GIT1: variants seen among roughly 807,000 people sequenced by gnomAD.
The protein encoded by GIT1 is GIT ArfGAP 1.
In GIT1, 14 loss-of-function variants were observed where a neutral mutation model predicts 91.7. The ratio of observed to expected loss-of-function variants is 0.15; its 90% CI spans 0.10 to 0.24. The LOEUF is 0.24. GIT1 is among the 10% of genes least tolerant of loss of function. GIT1 has a pLI of 1.00. For missense variants in GIT1, 717 were observed against 1,024.9 expected (o/e 0.70, Z 4.10); for synonymous variants, 414 against 418.2 (o/e 0.99, Z 0.12).
intron 10 of GIT1, 30 bp from the exon 11 acceptor site, chr17:29,577,277 CA>C: frequency 6.3e-7 from 1 of 1,577,808 alleles, no homozygotes; most frequent in Non-Finnish European, 8.7e-7. Flanking sequence ...AGGCTGGCTT[CA>C]GGGGACCCCT....
chr17:29,574,710 T>G lies in GIT1; in HGVS notation c.2278A>C (p.Lys760Gln), dbSNP rs756276213. The change falls in exon 20 of 20, where the codon AAG becomes CAG. Residue 760 changes from lysine to glutamine, a missense_variant. Lys to Gln is a moderately conservative substitution (Grantham distance 53, BLOSUM62 1). Transcript: ENST00000225394. ...GGGTGTGGGGAGAGAGGTCACTGCT[T>G]CTTCTCTCGGGTGGTGATGGTGACC... is the stretch of plus-strand genomic sequence containing the variant. ...QLVTITTREK[K>Q]Q 11 of 1,611,238 alleles carry G rather than the reference T, an allele frequency of 6.8e-6. No homozygotes were observed. Among genetic ancestry groups the G allele is most frequent in the Admixed American group, 3.3e-5 (2 of 59,932 alleles).
At chr17:29,582,514 G>C (rs935791386) in intron 4 of GIT1, among the ~76,000 whole-genome samples, 184 bp downstream of exon 4, 2 of 152,214 alleles carry the variant, frequency 1.3e-5, no homozygotes, top group Admixed American at 6.5e-5. Context: ...CTACTTGGTT[G>C]CTGGGGAGCC....
At chr17:29,578,891 G>C in intron 7 of GIT1, 112 bp from the exon 8 acceptor site, 1 of 1,573,840 alleles carries the variant, frequency 6.4e-7, no homozygotes, top group Non-Finnish European at 8.7e-7. Context: ...TGGCACCCCA[G>C]ATGCTGCACA....
Position 29,576,919 on chromosome 17 carries a change from C to A in GIT1, c.1171G>T (p.Asp391Tyr). The change falls in exon 12 of 20, where the codon GAC (aspartate) becomes TAC (tyrosine). Residue 391 changes from aspartate (D) to tyrosine (Y), a missense_variant. Physicochemically the swap from Asp to Tyr is radical, Grantham distance 160. Coordinates refer to ENST00000225394, the MANE Select transcript of GIT1 (RefSeq NM_014030.4). ...HDYDSVASDE[D>Y]TDQEPLRSTG... is the part of the protein sequence containing the mutation. Reference sequence around the variant, plus strand: ...CTGCGCAGGGGCTCCTGGTCTGTGTCCTCGTCAGAGGCCACGCTGTCGTAG... The same window carrying A: ...CTGCGCAGGGGCTCCTGGTCTGTGTACTCGTCAGAGGCCACGCTGTCGTAG... The A allele has an allele frequency of 3.2e-6, 5 of 1,583,978 alleles. No homozygotes were observed. The highest frequency in any genetic ancestry group is 4.3e-6 in the Non-Finnish European group (5 of 1,167,790).
chr17:29,585,988 C>T (rs2033583447), intron 1 of GIT1, among the ~76,000 whole-genome samples: 1 of 152,210 alleles, frequency 6.6e-6, no homozygotes, highest in Admixed American at 6.5e-5. Context: ...TCAGTGGCCT[C>T]CAGGGCCAGT....
chr17:29,583,215 A>T (rs928493113), intron 2 of GIT1, among the ~76,000 whole-genome samples, 178 bp from the exon 3 acceptor site: 4 of 152,254 alleles, frequency 2.6e-5, no homozygotes, highest in Middle Eastern at 3.4e-3. Flanking sequence ...AGATCCCATG[A>T]GTGTGCCAAG....
In GIT1 at chr17:29,575,008, C is replaced by T. The variant is rs778607033; in HGVS notation, c.2073+71G>A. On this transcript the variant is annotated intron_variant, in intron 19 of 19. Coordinates refer to ENST00000225394, the MANE Select transcript of GIT1 (RefSeq NM_014030.4). The surrounding 1 kb of genome is among the most constrained non-coding windows in gnomAD (Gnocchi z 5.5). ...TCTGTGTCTCCACCCAGGTAGCGAT[C>T]AGATGGGATTCTCCACGCCTGCCCC... The T allele has an allele frequency of 6.8e-7, 1 of 1,476,770 alleles. No individual in the cohort carries two copies. The highest frequency in any genetic ancestry group is 9.3e-7 in the Non-Finnish European group (1 of 1,075,032). 91.5% of individuals were successfully genotyped at this position (1,476,770 alleles called of 1,614,324 possible).
chr17:29,578,173 G>A, intron 9 of GIT1, 126 bp downstream of exon 9: 1 of 781,782 alleles, frequency 1.3e-6, no homozygotes, highest in South Asian at 1.5e-5. Flanking sequence ...AGCCAGCAGG[G>A]GCTCATCTGC....
chr17:29,579,227 G>A (rs1477234034), intron 7 of GIT1: 1 of 567,874 alleles, frequency 1.8e-6, no homozygotes, highest in African/African-American at 1.9e-5. Flanking sequence ...GTCACCTGAA[G>A]CCTCCCTCAC....
intron 1 of GIT1, among the ~76,000 whole-genome samples, chr17:29,585,255 GCTGC>G (rs955971739): frequency 6.6e-6 from 1 of 152,102 alleles, no homozygotes; most frequent in Non-Finnish European, 1.5e-5. Context: ...GGGTCAGGGG[GCTGC>G]CAGCCAGCCA....
chr17:29,588,288 A>T lies in GIT1; in HGVS notation c.52+1039T>A, dbSNP rs994460404. ...CTACCAGGGAGATAGCTCCTTTGCT[A>T]AAGAAAGAATGGATGTGGGCTAGAG... On this transcript the variant is annotated intron_variant, in intron 1 of 19. Coordinates refer to ENST00000225394, the MANE Select transcript of GIT1 (RefSeq NM_014030.4). Among the ~76,000 whole-genome samples the T allele has an allele frequency of 2.0e-5, 3 of 152,162 alleles. 1 individual carries two copies. The highest frequency in any genetic ancestry group is 4.1e-4 in the South Asian group (2 of 4,824).
Position 29,577,729 on chromosome 17 carries a change from G to C in GIT1, c.897C>G (p.Thr299=). ...CTGTCACCAGAGTGCTGTGGTTTTGGGTAGCCAGCCACACTGTAGGGGACG... is the reference window on the plus strand; with the variant it reads ...CTGTCACCAGAGTGCTGTGGTTTTGCGTAGCCAGCCACACTGTAGGGGACG... ...RRENDAVWLA[T]QNHSTLVTER... is the part of the protein sequence containing the mutation. The change falls in exon 10 of 20, where the codon ACC becomes ACG. Residue 299 remains threonine, a synonymous_variant. Coordinates refer to ENST00000225394, the MANE Select transcript of GIT1 (RefSeq NM_014030.4). 1.2e-6 allele frequency: 2 copies of C among 1,609,710 alleles called. No individual in the cohort carries two copies. The highest frequency in any genetic ancestry group is 1.7e-6 in the Non-Finnish European group (2 of 1,176,246).
rs1455359449 is a variant in GIT1 at position 29,573,763 on chromosome 17, G to C, written c.*939C>G. Reference sequence around the variant, plus strand: ...CCAGCTGAGTCGGGGACCCCGGGGAGCCAGCCCCAGGCTCAGGTGCTCAGT... The same window carrying C: ...CCAGCTGAGTCGGGGACCCCGGGGACCCAGCCCCAGGCTCAGGTGCTCAGT... On this transcript the variant is annotated 3_prime_UTR_variant, in exon 20 of 20. Coordinates refer to ENST00000225394, the MANE Select transcript of GIT1 (RefSeq NM_014030.4). 1 of 152,658 alleles carries C rather than the reference G, an allele frequency of 6.6e-6. No homozygotes were observed. Among genetic ancestry groups the C allele is most frequent in the Non-Finnish European group, 1.5e-5 (1 of 68,182 alleles). 9.5% of individuals were successfully genotyped at this position (152,658 alleles called of 1,614,324 possible). A position where few individuals can be genotyped will look rare whatever the true frequency, so the allele number is the denominator to read the frequency against.
Position 29,574,380 on chromosome 17 carries a change from C to A in GIT1, c.*322G>T. On this transcript the variant is annotated 3_prime_UTR_variant, in exon 20 of 20. Transcript: ENST00000225394. The stretch of plus-strand genomic sequence containing the variant: ...GCTGCCCCACTTGGAGTGTCCCCAC[C>A]TGCCCCTTTGCTGAGGGTGCCCTAG... The A allele has an allele frequency of 2.6e-6, 1 of 386,476 alleles. No homozygotes were observed. The allele number at this position is 386,476 out of a possible 1,614,324, so 23.9% of individuals were successfully genotyped here.
In GIT1 at chr17:29,575,948, C is replaced by T. The variant is rs769487663; in HGVS notation, c.1666-50G>A. Reference sequence around the variant, plus strand: ...GGAGTCAGTGTGCCCCACTGCCCCCCTGCTCACCAGCAGTGCAGCAGGGAC... The same window carrying T: ...GGAGTCAGTGTGCCCCACTGCCCCCTTGCTCACCAGCAGTGCAGCAGGGAC... On this transcript the variant is annotated intron_variant, in intron 15 of 19. Coordinates refer to ENST00000225394, the MANE Select transcript of GIT1 (RefSeq NM_014030.4). This position sits in a 1 kb window ranked among gnomAD's most constrained non-coding sequence, Gnocchi z 5.5. The T allele has an allele frequency of 1.3e-6, 2 of 1,552,834 alleles. No homozygotes were observed. Among genetic ancestry groups the T allele is most frequent in the Non-Finnish European group, 1.8e-6 (2 of 1,129,688 alleles).
In GIT1 at chr17:29,574,731, T is replaced by C. The variant is rs2033123196; in HGVS notation, c.2257A>G (p.Thr753Ala). The part of the protein sequence containing the change: ...DIAKAAKQLV[T>A]ITTREKKQ ...TGCTTCTTCTCTCGGGTGGTGATGG[T>C]GACCAGCTGCTTGGCAGCCTTGGCG... Residue 753 changes from threonine to alanine, a missense_variant, in exon 20 of 20, where the codon ACC becomes GCC. Around this residue, in one of 3 missense-constraint regions of GIT1, gnomAD observed 134 missense variants for 223.8 expected, o/e 0.60. Transcript: ENST00000225394. 1 of 1,613,476 alleles carries C rather than the reference T, an allele frequency of 6.2e-7. No individual in the cohort carries two copies. Among genetic ancestry groups the C allele is most frequent in the Non-Finnish European group, 8.5e-7 (1 of 1,179,778 alleles).
intron 1 of GIT1, among the ~76,000 whole-genome samples, chr17:29,588,172 T>C (rs928326709): frequency 1.3e-5 from 2 of 152,206 alleles, no homozygotes; most frequent in Admixed American, 6.5e-5. Context: ...CTGAAAGTTA[T>C]GGGCCCACAA....
At chr17:29,578,956 A>G in intron 7 of GIT1, 177 bp from the exon 8 acceptor site, 2 of 1,613,784 alleles carry the variant, frequency 1.2e-6, no homozygotes, top group Non-Finnish European at 8.5e-7. Flanking sequence ...GGCAGGCACC[A>G]TATACCTCTG....
chr17:29,578,481 G>A (rs541212282), intron 8 of GIT1, 110 bp from the exon 9 acceptor site: 25 of 1,006,036 alleles, frequency 2.5e-5, no homozygotes, highest in Non-Finnish European at 4.0e-5. Flanking sequence ...TCCTTGTGCT[G>A]CCCAGCCCCT....
Sources: gnomAD v4.1 joint callset for allele counts (sites outside exome capture counted in the v4.1 genomes callset) on GRCh38, gnomAD v4.1.1 for gene constraint, gnomAD v4.1.1 regional missense constraint, Gnocchi (gnomAD v3.1) non-coding constraint, MANE v1.5 for transcripts, NCBI Gene and HGNC (gene_info 2026-07-23, HGNC 2026-07-21) for gene names.